The following TNFSF4 variants were observed in gnomAD, a reference collection of about 807,000 sequenced individuals.
The protein encoded by TNFSF4 is tumor necrosis factor ligand superfamily member 4.
TNFSF4 carries 4 observed loss-of-function variants against 7.3 expected under a neutral mutation model. That is an observed-to-expected ratio of 0.55 (90% CI 0.27 to 1.25). The LOEUF (loss-of-function observed/expected upper bound fraction) is 1.25, where lower values mean the gene tolerates loss of function less well. Ranked by LOEUF, TNFSF4 falls within the 50% of genes most tolerant of loss-of-function variation. The pLI is 0.12. For synonymous variants in TNFSF4, 76 were observed against 83.7 expected (o/e 0.91, Z 0.50); for missense variants, 181 against 208.8 (o/e 0.87, Z 0.82).
the TNFSF4 span, among the ~76,000 whole-genome samples, chr1:173,378,853 C>T: frequency 1.5e-5 from 2 of 136,046 alleles, no homozygotes; most frequent in Non-Finnish European, 3.2e-5. Flanking sequence ...CAAAGAAATA[C>T]CCAAGGGACC....
downstream of TNFSF4, among the ~76,000 whole-genome samples, chr1:173,179,397 T>C (rs1357855433): frequency 6.6e-6 from 1 of 152,166 alleles, no homozygotes; most frequent in Non-Finnish European, 1.5e-5. Context: ...ATGCGAACTT[T>C]GCCTTGTTGC....
At chr1:173,370,052 C>T in the TNFSF4 span, among the ~76,000 whole-genome samples, 1 of 152,104 alleles carries the variant, frequency 6.6e-6, no homozygotes, top group East Asian at 1.9e-4. Context: ...ATGTCCCCTT[C>T]AAGCTGTAGG....
At chr1:173,313,485 T>C in the TNFSF4 span, among the ~76,000 whole-genome samples, 2 of 152,116 alleles carry the variant, frequency 1.3e-5, no homozygotes, top group Non-Finnish European at 2.9e-5. Context: ...TAAGCAGTAA[T>C]ATATTTAATT....
the TNFSF4 span, among the ~76,000 whole-genome samples, chr1:173,416,419 G>A: frequency 6.6e-6 from 1 of 152,058 alleles, no homozygotes; most frequent in Non-Finnish European, 1.5e-5. Flanking sequence ...GGATGACGGA[G>A]AGAACCAGAG....
chr1:173,378,234 G>A, the TNFSF4 span, among the ~76,000 whole-genome samples: 2 of 151,076 alleles, frequency 1.3e-5, no homozygotes, highest in African/African-American at 4.8e-5. Flanking sequence ...TCGGCAAGAG[G>A]TGTTTCTGCT....
chr1:173,344,663 C>T, the TNFSF4 span, among the ~76,000 whole-genome samples: 1 of 152,336 alleles, frequency 6.6e-6, no homozygotes, highest in South Asian at 2.1e-4. Context: ...CATTTAGTGT[C>T]TTCCATATTT....
the TNFSF4 span, among the ~76,000 whole-genome samples, chr1:173,259,996 C>T: frequency 1.3e-5 from 2 of 152,112 alleles, no homozygotes; most frequent in African/African-American, 4.8e-5. Flanking sequence ...GAGAACCCCA[C>T]TAAGATACTC....
chr1:173,225,139 A>G, the TNFSF4 span, among the ~76,000 whole-genome samples: 1 of 152,220 alleles, frequency 6.6e-6, no homozygotes, highest in African/African-American at 2.4e-5. Flanking sequence ...AGTGAAGGTT[A>G]TGTGGTAAGA....
chr1:173,379,129 G>A, the TNFSF4 span, among the ~76,000 whole-genome samples: 21 of 152,224 alleles, frequency 1.4e-4, no homozygotes, highest in Non-Finnish European at 2.2e-4. Flanking sequence ...AAAGAATGCG[G>A]CTTTAGCTGC....
chr1:173,289,870 G>A, the TNFSF4 span, among the ~76,000 whole-genome samples: 42 of 151,702 alleles, frequency 2.8e-4, no homozygotes, highest in Non-Finnish European at 4.3e-4. Context: ...ACAAAACCTC[G>A]GTGAGCTATA....
At chr1:173,238,188 G>A in the TNFSF4 span, among the ~76,000 whole-genome samples, 2 of 152,088 alleles carry the variant, frequency 1.3e-5, no homozygotes, top group South Asian at 4.1e-4. Flanking sequence ...ATGGTGCTGG[G>A]AAAACAGCCT....
At chr1:173,198,935 T>G (rs1649827795) in intron 1 of TNFSF4, among the ~76,000 whole-genome samples, 1 of 152,154 alleles carries the variant, frequency 6.6e-6, no homozygotes, top group African/African-American at 2.4e-5. Context: ...GACCATGTCA[T>G]TTTAAACTAA....
the TNFSF4 span, among the ~76,000 whole-genome samples, chr1:173,268,840 G>A: frequency 2.0e-5 from 3 of 152,054 alleles, no homozygotes; most frequent in African/African-American, 4.8e-5. Flanking sequence ...ACTACTATCA[G>A]ATAAAGTAGA....
the TNFSF4 span, among the ~76,000 whole-genome samples, chr1:173,316,919 A>T: frequency 6.6e-6 from 1 of 152,150 alleles, no homozygotes; most frequent in Non-Finnish European, 1.5e-5. Flanking sequence ...ACTATGATCC[A>T]TCTGGAATAA....
chr1:173,234,085 T>C, the TNFSF4 span, among the ~76,000 whole-genome samples: 1 of 152,066 alleles, frequency 6.6e-6, no homozygotes, highest in African/African-American at 2.4e-5. Context: ...TACAAAGAAC[T>C]CAAACAAATT....
intron 1 of TNFSF4, among the ~76,000 whole-genome samples, chr1:173,190,116 T>C (rs777790823): frequency 6.6e-6 from 1 of 151,798 alleles, no homozygotes; most frequent in Admixed American, 6.6e-5. Flanking sequence ...CTTGGGAGGT[T>C]GAGGCAGGAG....
the TNFSF4 span, chr1:173,362,503 C>G: frequency 1.8e-6 from 1 of 542,904 alleles, no homozygotes. Context: ...TTGGTATTTT[C>G]AAACTTTAGT....
chr1:173,357,159 G>C, the TNFSF4 span, among the ~76,000 whole-genome samples: 1 of 152,230 alleles, frequency 6.6e-6, no homozygotes, highest in African/African-American at 2.4e-5. Flanking sequence ...GATGATCCAT[G>C]ATAAGGTTAG....
the TNFSF4 span, among the ~76,000 whole-genome samples, chr1:173,316,394 T>G: frequency 6.6e-6 from 1 of 152,138 alleles, no homozygotes; most frequent in South Asian, 2.1e-4. Flanking sequence ...TATCAATTTT[T>G]TCTAAAATGC....
Sources: allele counts gnomAD v4.1 joint callset (sites outside exome capture counted in the v4.1 genomes callset), GRCh38; gene constraint gnomAD v4.1.1; transcripts MANE v1.5; gene names NCBI Gene and HGNC (gene_info 2026-07-23, HGNC 2026-07-21).